BTRC: variants seen among roughly 807,000 people sequenced by gnomAD.
BTRC encodes beta-transducin repeat containing E3 ubiquitin protein ligase, also known as F-box/WD repeat-containing protein 1A.
BTRC carries 42 observed loss-of-function variants against 85.5 expected under a neutral mutation model. The observed-to-expected ratio is 0.49, with a 90% CI of 0.38 to 0.64. The LOEUF (loss-of-function observed/expected upper bound fraction) is 0.64, where lower values mean the gene tolerates loss of function less well. Among genes scored for constraint, BTRC ranks in the 30% least tolerant of loss-of-function variants. The pLI is 0.00. For missense variants in BTRC, 594 were observed against 743.5 expected (o/e 0.80, Z 2.34); for synonymous variants, 255 against 263.3 (o/e 0.97, Z 0.30).
intron 14 of BTRC, among the ~76,000 whole-genome samples, chr10:101,551,784 G>A (rs145416337): frequency 2.0e-5 from 3 of 152,310 alleles, no homozygotes; most frequent in African/African-American, 7.2e-5. Context: ...GACACGGTTC[G>A]TCGTTCCTCA....
At chr10:101,435,744 G>A (rs765546390) in intron 2 of BTRC, among the ~76,000 whole-genome samples, 49 of 152,202 alleles carry the variant, frequency 3.2e-4, no homozygotes, top group Non-Finnish European at 4.9e-4. Context: ...TAGAGTAAGT[G>A]TATTTTTAAC....
intron 2 of BTRC, among the ~76,000 whole-genome samples, chr10:101,453,227 T>C (rs1944994199): frequency 6.6e-6 from 1 of 152,226 alleles, no homozygotes; most frequent in East Asian, 1.9e-4. Flanking sequence ...TGTTTGCAAT[T>C]AGTTACTAGA....
chr10:101,543,549 A>C (rs1299872175), intron 13 of BTRC, among the ~76,000 whole-genome samples: 1 of 148,280 alleles, frequency 6.7e-6, no homozygotes, highest in African/African-American at 2.5e-5. Context: ...GTTTGGATTT[A>C]AATCTATCAT....
chr10:101,538,318 G>T lies in BTRC; in HGVS notation c.1603G>T (p.Ala535Ser). ...DGKIKVWDLV[A>S]ALDPRAPAGT... The stretch of plus-strand genomic sequence containing the variant: ...AAAAATTAAAGTGTGGGATCTTGTG[G>T]CTGCTTTGGACCCCCGTGCTCCTGC... Residue 535 changes from alanine to serine, a missense_variant, in exon 13 of 15, where the codon GCT becomes TCT. This residue lies in a region of BTRC where 373 missense variants were observed against 503.6 expected (regional missense o/e 0.74). Transcript: ENST00000370187. The T allele has an allele frequency of 6.2e-7, 1 of 1,614,036 alleles. No homozygotes were observed. Among genetic ancestry groups the T allele is most frequent in the Non-Finnish European group, 8.5e-7 (1 of 1,179,962 alleles).
rs2062689532 is a variant in BTRC at position 101,553,826 on chromosome 10, C to T, written c.*703C>T. On this transcript the variant is annotated 3_prime_UTR_variant, in exon 15 of 15. Coordinates refer to ENST00000370187, the MANE Select transcript of BTRC (RefSeq NM_033637.4). Reference sequence around the variant, plus strand: ...AACCTTTTTTCTCTGTCTGCTTCACCTGAGAAGAAAGTGTACGAAGAGAGT... The same window carrying T: ...AACCTTTTTTCTCTGTCTGCTTCACTTGAGAAGAAAGTGTACGAAGAGAGT... 2.0e-5 allele frequency: 3 copies of T among 152,800 alleles called. No homozygotes were observed. The highest frequency in any genetic ancestry group is 2.0e-4 in the Admixed American group (3 of 15,302). 9.5% of individuals were successfully genotyped at this position (152,800 alleles called of 1,614,324 possible). A position where few individuals can be genotyped will look rare whatever the true frequency, so the allele number is the denominator to read the frequency against.
intron 13 of BTRC, among the ~76,000 whole-genome samples, chr10:101,547,328 C>CT (rs71016332): frequency 0.1 from 8,285 of 79,762 alleles, 1,634 homozygotes; most frequent in South Asian, 0.2. Context: ...TATGGTTTTT[C>CT]TTTTTTTTTT....
At chr10:101,522,379 A>AC (rs1253916994) in intron 5 of BTRC, among the ~76,000 whole-genome samples, 7 of 65,520 alleles carry the variant, frequency 1.1e-4, no homozygotes, top group Non-Finnish European at 1.5e-4. Context: ...AAAAAAAACA[A>AC]AAAAAAAAAA....
intron 1 of BTRC, among the ~76,000 whole-genome samples, chr10:101,370,045 A>G (rs372517079): frequency 3.3e-5 from 5 of 152,266 alleles, no homozygotes; most frequent in African/African-American, 1.2e-4. Context: ...TTCACATCAC[A>G]TTTGGACTTC....
At chr10:101,354,493 G>A in intron 1 of BTRC, 2 of 492,428 alleles carry the variant, frequency 4.1e-6, no homozygotes, top group Non-Finnish European at 7.1e-6. Flanking sequence ...GGCTCCAGGC[G>A]GCGCGCGGGG....
At chr10:101,538,805 T>C (rs974049428) in intron 13 of BTRC, among the ~76,000 whole-genome samples, 1 of 152,068 alleles carries the variant, frequency 6.6e-6, no homozygotes, top group African/African-American at 2.4e-5. Flanking sequence ...CCCAGCACTT[T>C]GGGAGGTCAA....
chr10:101,464,407 G>T (rs1945314380), intron 3 of BTRC, among the ~76,000 whole-genome samples: 2 of 152,090 alleles, frequency 1.3e-5, no homozygotes, highest in Non-Finnish European at 2.9e-5. Flanking sequence ...ATACATTATT[G>T]AATCATTTTC....
chr10:101,501,187 C>A (rs75520797), intron 4 of BTRC, among the ~76,000 whole-genome samples: 222 of 132,284 alleles, frequency 1.7e-3, no homozygotes, highest in South Asian at 1.7e-3. Context: ...GACTGCGTCT[C>A]AAAAAAAAAA....
chr10:101,470,575 C>A (rs2134195950), intron 3 of BTRC, among the ~76,000 whole-genome samples: 1 of 152,248 alleles, frequency 6.6e-6, no homozygotes, highest in African/African-American at 2.4e-5. Context: ...GGTGATCCGA[C>A]CGCCTCAGCC....
chr10:101,538,554 G>A (rs551050172), intron 13 of BTRC, among the ~76,000 whole-genome samples, 183 bp downstream of exon 13: 15 of 152,310 alleles, frequency 9.8e-5, no homozygotes, highest in African/African-American at 3.4e-4. Flanking sequence ...ATCCAAAAAT[G>A]CTTTAGAGAC....
chr10:101,372,793 G>A (rs1453294676), intron 1 of BTRC, among the ~76,000 whole-genome samples: 1 of 151,886 alleles, frequency 6.6e-6, no homozygotes, highest in Non-Finnish European at 1.5e-5. Flanking sequence ...AACCTGGGAG[G>A]CAGAGGTTGC....
chr10:101,502,626 T>C (rs1946424314), intron 4 of BTRC, among the ~76,000 whole-genome samples: 1 of 152,162 alleles, frequency 6.6e-6, no homozygotes, highest in Non-Finnish European at 1.5e-5. Flanking sequence ...AGCATCAATA[T>C]AGTGATAGTA....
chr10:101,417,478 T>C (rs1943978082), intron 1 of BTRC, among the ~76,000 whole-genome samples: 1 of 152,224 alleles, frequency 6.6e-6, no homozygotes, highest in Admixed American at 6.5e-5. Context: ...TATTGAATAG[T>C]ATCAGGTGAC....
chr10:101,460,289 C>CT (rs1490758130), intron 2 of BTRC, among the ~76,000 whole-genome samples: 1 of 151,904 alleles, frequency 6.6e-6, no homozygotes, highest in South Asian at 2.1e-4. Flanking sequence ...TGACCTTTCC[C>CT]TTTCTTTGTT....
intron 1 of BTRC, among the ~76,000 whole-genome samples, chr10:101,391,037 C>G (rs1227906385): frequency 6.6e-6 from 1 of 152,050 alleles, no homozygotes; most frequent in Non-Finnish European, 1.5e-5. Flanking sequence ...AGAATTTTGC[C>G]TAAAGAACTT....
Sources: allele counts gnomAD v4.1 joint callset (sites outside exome capture counted in the v4.1 genomes callset), GRCh38; gene constraint gnomAD v4.1.1; regional missense constraint gnomAD v4.1.1; transcripts MANE v1.5; gene names NCBI Gene and HGNC (gene_info 2026-07-23, HGNC 2026-07-21).